ERCC6L2: variants seen among roughly 807,000 people sequenced by gnomAD.
ERCC6L2 encodes the protein ERCC excision repair 6 like 2, also known as DNA excision repair protein ERCC-6-like 2.
A neutral mutation model predicts 132.0 loss-of-function variants in ERCC6L2; 77 were observed. The ratio of observed to expected loss-of-function variants is 0.58; its 90% confidence interval spans 0.49 to 0.71. ERCC6L2 has a LOEUF of 0.71. Among genes scored for constraint, ERCC6L2 ranks in the 30% least tolerant of loss-of-function variants. ERCC6L2 has a pLI of 0.00. For missense variants in ERCC6L2, 1,542 were observed against 1,837.6 expected, an observed-to-expected ratio of 0.84 and a Z score of 2.94; for synonymous variants, 583 against 632.4, an observed-to-expected ratio of 0.92 and a Z score of 1.17.
intron 17 of ERCC6L2, among the ~76,000 whole-genome samples, chr9:96,001,592 A>G (rs868521759): frequency 5.3e-5 from 8 of 152,196 alleles, no homozygotes; most frequent in South Asian, 2.1e-4. Context: ...TGTATTTACA[A>G]TCCCTGAGCT....
At chr9:95,962,432 CATTTGTT>C (rs1831950293) in intron 13 of ERCC6L2, among the ~76,000 whole-genome samples, 1 of 152,044 alleles carries the variant, frequency 6.6e-6, no homozygotes, top group African/African-American at 2.4e-5. Context: ...GCATTGCTTG[CATTTGTT>C]TAAAAAACAA....
At chr9:95,912,600 A>C (rs1231470344) in intron 4 of ERCC6L2, among the ~76,000 whole-genome samples, 1 of 152,218 alleles carries the variant, frequency 6.6e-6, no homozygotes, top group African/African-American at 2.4e-5. Flanking sequence ...ATTGTCACAC[A>C]CAAGAATATT....
At chr9:95,880,666 T>C (rs1463075041) in intron 1 of ERCC6L2, among the ~76,000 whole-genome samples, 1 of 152,198 alleles carries the variant, frequency 6.6e-6, no homozygotes, top group Non-Finnish European at 1.5e-5. Context: ...GGAAATAAAG[T>C]ATGTACCCTT....
chr9:95,922,073 T>C (rs1350285542), intron 7 of ERCC6L2, among the ~76,000 whole-genome samples: 1 of 152,214 alleles, frequency 6.6e-6, no homozygotes, highest in Non-Finnish European at 1.5e-5. Context: ...CTTTCTGTAA[T>C]AAGGATTTTC....
chr9:95,981,244 T>C (rs1832881199), intron 17 of ERCC6L2, among the ~76,000 whole-genome samples: 1 of 152,158 alleles, frequency 6.6e-6, no homozygotes, highest in Non-Finnish European at 1.5e-5. Context: ...TCCTATGGTC[T>C]TTCAGAGTTT....
At chr9:95,982,635 A>G (rs568737629) in intron 17 of ERCC6L2, among the ~76,000 whole-genome samples, 1 of 152,262 alleles carries the variant, frequency 6.6e-6, no homozygotes, top group African/African-American at 2.4e-5. Context: ...GTAGCTAGAC[A>G]GTAATTTTAT....
intron 19 of ERCC6L2, chr9:96,028,112 C>T (rs988225418): frequency 2.6e-5 from 4 of 152,196 alleles, no homozygotes; most frequent in Non-Finnish European, 5.9e-5. Context: ...AACTCTCACA[C>T]TTGCCAGACG....
intron 12 of ERCC6L2, among the ~76,000 whole-genome samples, chr9:95,947,901 A>C (rs904742635): frequency 6.6e-6 from 1 of 152,236 alleles, no homozygotes; most frequent in African/African-American, 2.4e-5. Flanking sequence ...ATTTCTTTCC[A>C]AATATTAACT....
chr9:95,920,408 G>A (rs1236806159), intron 6 of ERCC6L2, among the ~76,000 whole-genome samples: 10 of 151,624 alleles, frequency 6.6e-5, no homozygotes, highest in Non-Finnish European at 1.0e-4. Flanking sequence ...TAGTTTTATC[G>A]TAAGAATATA....
At position 96,013,282 on chromosome 9, in the gene ERCC6L2, C is replaced by CTTGA; in HGVS notation, c.*80_*83dup. 1 of 1,160,324 alleles carries CTTGA rather than the reference C, an allele frequency of 8.6e-7. No individual in the cohort carries two copies. Among genetic ancestry groups the CTTGA allele is most frequent in the Non-Finnish European group, 1.1e-6 (1 of 879,874 alleles). The allele number at this position is 1,160,324 out of a possible 1,614,324, so 71.9% of individuals were successfully genotyped here. A position where few individuals can be genotyped will look rare whatever the true frequency, so the allele number is the denominator to read the frequency against. Reference sequence around the variant, plus strand: ...CTGGATTCCACACTGATTCTATTATCTTGAACACAGTTGTTGACATATATT... The same window carrying CTTGA: ...CTGGATTCCACACTGATTCTATTATCTTGATTGAACACAGTTGTTGACATATATT... On this transcript the variant is annotated 3_prime_UTR_variant, in exon 19 of 19. Transcript: ENST00000653738.
At chr9:95,954,822 T>G (rs1478749058) in intron 12 of ERCC6L2, 2 of 471,036 alleles carry the variant, frequency 4.2e-6, no homozygotes, top group Non-Finnish European at 8.8e-6. Context: ...ACCTTACCCC[T>G]GGTGGTGCTG....
At chr9:95,936,627 A>C (rs1414149093) in intron 11 of ERCC6L2, among the ~76,000 whole-genome samples, 1 of 152,100 alleles carries the variant, frequency 6.6e-6, no homozygotes, top group Non-Finnish European at 1.5e-5. Flanking sequence ...GATCCCATGC[A>C]CTCTTTACCC....
At chr9:95,994,867 G>A (rs577117506) in intron 17 of ERCC6L2, among the ~76,000 whole-genome samples, 16 of 152,270 alleles carry the variant, frequency 1.1e-4, no homozygotes, top group African/African-American at 3.1e-4. Context: ...GTGTGGGAAC[G>A]ATTCCTCCCT....
intron 1 of ERCC6L2, chr9:95,876,672 A>G (rs1249041254): frequency 1.3e-5 from 2 of 152,234 alleles, no homozygotes; most frequent in Non-Finnish European, 2.9e-5. Flanking sequence ...AGTTTTCATT[A>G]ATAATTGTGC....
At chr9:95,960,364 A>G (rs10988817) in intron 13 of ERCC6L2, among the ~76,000 whole-genome samples, 40,711 of 152,100 alleles carry the variant, frequency 0.27, 5,972 homozygotes, top group East Asian at 0.4. Flanking sequence ...AAAAATATCA[A>G]TTTCTAATCC....
downstream of ERCC6L2, among the ~76,000 whole-genome samples, chr9:96,022,535 C>G (rs1306715539): frequency 6.6e-6 from 1 of 152,186 alleles, no homozygotes; most frequent in Non-Finnish European, 1.5e-5. Flanking sequence ...TAATTCAGAG[C>G]CCGTCAGCCC....
chr9:95,914,222 T>C (rs995672604), intron 4 of ERCC6L2, among the ~76,000 whole-genome samples: 1 of 152,220 alleles, frequency 6.6e-6, no homozygotes, highest in South Asian at 2.1e-4. Flanking sequence ...TAATTTGCAG[T>C]TCTCTAATAA....
At chr9:95,957,877 T>G (rs541470798) in intron 13 of ERCC6L2, among the ~76,000 whole-genome samples, 47 of 113,534 alleles carry the variant, frequency 4.1e-4, no homozygotes, top group Non-Finnish European at 7.0e-4. Flanking sequence ...TATGTTTTTG[T>G]TTTTTTTTTT....
chr9:95,987,561 G>A (rs1833141677), intron 17 of ERCC6L2, among the ~76,000 whole-genome samples: 1 of 152,158 alleles, frequency 6.6e-6, no homozygotes, highest in Admixed American at 6.5e-5. Flanking sequence ...TACAAGAGGT[G>A]GGTTCCCATC....
Sources: allele counts gnomAD v4.1 joint callset (sites outside exome capture counted in the v4.1 genomes callset), GRCh38; gene constraint gnomAD v4.1.1; transcripts MANE v1.5; gene names NCBI Gene and HGNC (gene_info 2026-07-23, HGNC 2026-07-21).